FGD4: variants seen among roughly 807,000 people sequenced by gnomAD.
FGD4 encodes the protein FYVE, RhoGEF and PH domain containing 4.
Under a neutral mutation model 102.0 loss-of-function variants are expected in FGD4, and 42 were observed. The observed-to-expected ratio is 0.41, with a 90% CI of 0.32 to 0.53. FGD4 has a LOEUF of 0.53. Among genes scored for constraint, FGD4 ranks in the 20% least tolerant of loss-of-function variants. The probability of loss-of-function intolerance (pLI) is 0.21; values close to 1 mark genes in which losing one functional copy is unlikely to be tolerated. For missense variants in FGD4, 902 were observed against 1,078.2 expected (o/e 0.84, Z 2.29); for synonymous variants, 380 against 375.7 (o/e 1.01, Z -0.13).
intron 3 of FGD4, 175 bp from the exon 4 acceptor site, chr12:32,581,785 A>G: frequency 1.6e-6 from 1 of 640,996 alleles, no homozygotes; most frequent in East Asian, 2.8e-5. Flanking sequence ...AAATGTGGAT[A>G]GCATCCCAAG....
chr12:32,548,578 TG>T, intron 1 of FGD4, among the ~76,000 whole-genome samples: 3 of 152,330 alleles, frequency 2.0e-5, no homozygotes, highest in Admixed American at 2.0e-4. Flanking sequence ...AGATTTCCTG[TG>T]GTTCCAAAGT....
chr12:32,431,727 T>C (rs986058002), intron 1 of FGD4, among the ~76,000 whole-genome samples: 13 of 151,660 alleles, frequency 8.6e-5, no homozygotes, highest in Admixed American at 3.3e-4. Context: ...GAGCCAAGAT[T>C]GTGCCACTGC....
At chr12:32,548,061 G>A (rs1943370361) in intron 1 of FGD4, among the ~76,000 whole-genome samples, 2 of 152,096 alleles carry the variant, frequency 1.3e-5, no homozygotes, top group Non-Finnish European at 2.9e-5. Flanking sequence ...TTTTTAGTAT[G>A]CTACTGAAGG....
At chr12:32,469,227 T>C (rs952352563) in intron 1 of FGD4, among the ~76,000 whole-genome samples, 1 of 152,176 alleles carries the variant, frequency 6.6e-6, no homozygotes, top group African/African-American at 2.4e-5. Context: ...TTTTTTTATT[T>C]ATATATACTA....
chr12:32,451,710 C>T (rs7957935), intron 1 of FGD4, among the ~76,000 whole-genome samples: 18,755 of 151,378 alleles, frequency 0.12, 1,227 homozygotes, highest in Non-Finnish European at 0.16. Context: ...AGTTCAAGAC[C>T]AGCCTGGCCA....
At chr12:32,638,956 G>A in intron 16 of FGD4, 161 bp downstream of exon 16, 1 of 1,476,506 alleles carries the variant, frequency 6.8e-7, no homozygotes, top group Non-Finnish European at 9.0e-7. Flanking sequence ...TGTTTAAGCT[G>A]ATTGATTCAT....
chr12:32,422,605 T>C (rs973318807), intron 1 of FGD4, among the ~76,000 whole-genome samples: 4 of 151,998 alleles, frequency 2.6e-5, no homozygotes, highest in Admixed American at 6.6e-5. Context: ...TTATGTGACA[T>C]TGAAATGTAG....
At chr12:32,596,781 C>A (rs1053039100) in intron 4 of FGD4, among the ~76,000 whole-genome samples, 3 of 151,640 alleles carry the variant, frequency 2.0e-5, no homozygotes, top group Non-Finnish European at 2.9e-5. Flanking sequence ...GCTAAAAATA[C>A]AAAATTAGCC....
intron 1 of FGD4, among the ~76,000 whole-genome samples, chr12:32,439,983 C>A (rs1321223970): frequency 4.6e-5 from 7 of 152,148 alleles, no homozygotes; most frequent in African/African-American, 1.7e-4. Context: ...TCCAGAACTT[C>A]TGCATGATTC....
rs886049252 is a variant in FGD4, at chr12:32,502,137, T to C, written c.167-62000T>C. On this transcript the variant is annotated intron_variant, in intron 1 of 16. Transcript: ENST00000534526. ...GCTGGTTACCATGGAATCCACCATC[T>C]GTTCACTCCCCACCGGAATGTGATT... 122 of 985,350 alleles carry C rather than the reference T, an allele frequency of 1.2e-4. No homozygotes were observed. The highest frequency in any genetic ancestry group is 1.4e-4 in the Non-Finnish European group (118 of 829,968). The allele number at this position is 985,350 out of a possible 1,614,324, so 61.0% of individuals were successfully genotyped here. A position where few individuals can be genotyped will look rare whatever the true frequency, so the allele number is the denominator to read the frequency against.
At chr12:32,442,326 T>A (rs1321453986) in intron 1 of FGD4, among the ~76,000 whole-genome samples, 1 of 152,192 alleles carries the variant, frequency 6.6e-6, no homozygotes, top group Non-Finnish European at 1.5e-5. Context: ...GTGCTGGGAT[T>A]ACAGATGTGA....
intron 1 of FGD4, among the ~76,000 whole-genome samples, chr12:32,484,162 C>A (rs963715994): frequency 1.3e-5 from 2 of 152,166 alleles, no homozygotes; most frequent in Non-Finnish European, 2.9e-5. Flanking sequence ...ACTGCCTTGT[C>A]AGTCTTGGCC....
intron 1 of FGD4, among the ~76,000 whole-genome samples, chr12:32,423,425 A>G (rs991961893): frequency 5.3e-5 from 8 of 151,542 alleles, no homozygotes; most frequent in Non-Finnish European, 1.2e-4. Context: ...CCCCATCTCT[A>G]TTAAAAAATA....
intron 1 of FGD4, among the ~76,000 whole-genome samples, chr12:32,455,328 C>T (rs374400575): frequency 1.3e-5 from 2 of 151,942 alleles, no homozygotes; most frequent in East Asian, 3.9e-4. Flanking sequence ...ATATTTAGAG[C>T]CTTTTTAGAC....
At chr12:32,429,440 T>C (rs971770448) in intron 1 of FGD4, among the ~76,000 whole-genome samples, 2 of 152,132 alleles carry the variant, frequency 1.3e-5, no homozygotes, top group African/African-American at 4.8e-5. Flanking sequence ...CAGACAGAGC[T>C]CTCCTGTACA....
intron 1 of FGD4, among the ~76,000 whole-genome samples, chr12:32,438,569 A>G (rs1942311557): frequency 6.6e-6 from 1 of 151,028 alleles, no homozygotes; most frequent in Non-Finnish European, 1.5e-5. Context: ...GTCAAATTTT[A>G]TATACTAGTC....
At chr12:32,419,525 G>A (rs1302952545) in intron 1 of FGD4, among the ~76,000 whole-genome samples, 1 of 151,184 alleles carries the variant, frequency 6.6e-6, no homozygotes, top group Non-Finnish European at 1.5e-5. Flanking sequence ...CACTGCTGGG[G>A]ATGGGGGAGG....
At chr12:32,605,319 CCT>C (rs1491308470) in intron 7 of FGD4, among the ~76,000 whole-genome samples, 1 of 138,226 alleles carries the variant, frequency 7.2e-6, no homozygotes, top group Admixed American at 7.7e-5. Context: ...CCCCTTCACT[CCT>C]TTTTTTTTTT....
intron 1 of FGD4, among the ~76,000 whole-genome samples, chr12:32,510,698 C>T (rs1451325255): frequency 1.3e-5 from 2 of 152,082 alleles, no homozygotes; most frequent in Non-Finnish European, 2.9e-5. Context: ...GACTGTTTTA[C>T]ACATGGAATG....
Sources: gnomAD v4.1 joint callset for allele counts (sites outside exome capture counted in the v4.1 genomes callset) on GRCh38, gnomAD v4.1.1 for gene constraint, MANE v1.5 for transcripts, NCBI Gene and HGNC (gene_info 2026-07-23, HGNC 2026-07-21) for gene names.